ARMC9: variants seen among roughly 807,000 people sequenced by gnomAD.
The protein encoded by ARMC9 is armadillo repeat containing 9.
A neutral mutation model predicts 107.0 loss-of-function variants in ARMC9; 94 were observed. The ratio of observed to expected loss-of-function variants is 0.88; its 90% CI spans 0.74 to 1.04. The LOEUF is 1.04. ARMC9 is among the 50% of genes least tolerant of loss of function. The pLI is 0.00. For missense variants in ARMC9, 942 were observed against 1,030.1 expected, an observed-to-expected ratio of 0.91 and a Z score of 1.17; for synonymous variants, 380 against 396.9, an observed-to-expected ratio of 0.96 and a Z score of 0.51.
intron 24 of ARMC9, 94 bp downstream of exon 24, chr2:231,370,219 T>C: frequency 7.4e-7 from 1 of 1,356,180 alleles, no homozygotes; most frequent in Non-Finnish European, 9.7e-7. Context: ...CCCGTGCTCC[T>C]GTGTGTACCA....
chr2:231,267,887 G>A (rs1024782994), intron 12 of ARMC9, among the ~76,000 whole-genome samples: 1 of 152,062 alleles, frequency 6.6e-6, no homozygotes, highest in African/African-American at 2.4e-5. Context: ...CAACCAAAAC[G>A]TGCCCATATG....
At chr2:231,303,913 G>A (rs549581605) in intron 19 of ARMC9, among the ~76,000 whole-genome samples, 17 of 150,398 alleles carry the variant, frequency 1.1e-4, no homozygotes, top group African/African-American at 4.2e-4. Flanking sequence ...TCCAGACTGG[G>A]CAACAGAGCG....
At chr2:231,323,083 G>GAGTCCGA in intron 19 of ARMC9, among the ~76,000 whole-genome samples, 1 of 152,104 alleles carries the variant, frequency 6.6e-6, no homozygotes, top group African/African-American at 2.4e-5. Context: ...CAGCACTTCA[G>GAGTCCGA]GAGGCTAAGG....
intron 21 of ARMC9, among the ~76,000 whole-genome samples, chr2:231,354,476 G>A (rs2045253739): frequency 6.7e-6 from 1 of 149,996 alleles, no homozygotes; most frequent in African/African-American, 2.5e-5. Flanking sequence ...CCGCCTCCCT[G>A]GCTCAAGCGA....
At chr2:231,200,649 G>C (rs2030742334) in intron 1 of ARMC9, among the ~76,000 whole-genome samples, 1 of 151,442 alleles carries the variant, frequency 6.6e-6, no homozygotes, top group African/African-American at 2.4e-5. Context: ...CTCCAGCCTG[G>C]GCGGCAAAAG....
intron 9 of ARMC9, among the ~76,000 whole-genome samples, chr2:231,245,787 G>A (rs2036706123): frequency 6.6e-6 from 1 of 152,180 alleles, no homozygotes; most frequent in South Asian, 2.1e-4. Context: ...TCCCTGCCAA[G>A]AGCAGTTGAA....
chr2:231,274,880 G>A (rs1175692668), intron 14 of ARMC9, among the ~76,000 whole-genome samples: 1 of 152,186 alleles, frequency 6.6e-6, no homozygotes, highest in Non-Finnish European at 1.5e-5. Context: ...GAAAAGAACT[G>A]TAAGTGCTGC....
At chr2:231,242,960 A>C (rs1034631554) in intron 9 of ARMC9, among the ~76,000 whole-genome samples, 1 of 151,986 alleles carries the variant, frequency 6.6e-6, no homozygotes, top group Non-Finnish European at 1.5e-5. Flanking sequence ...AAAATACAAA[A>C]ATTAGGCCAG....
At chr2:231,280,166 T>G (rs570553847) in intron 16 of ARMC9, among the ~76,000 whole-genome samples, 2 of 152,276 alleles carry the variant, frequency 1.3e-5, no homozygotes, top group Admixed American at 6.5e-5. Flanking sequence ...GAAAATGAGC[T>G]GGATGGGCCG....
chr2:231,236,753 G>C (rs771790500), intron 8 of ARMC9, among the ~76,000 whole-genome samples: 1 of 152,070 alleles, frequency 6.6e-6, no homozygotes, highest in Non-Finnish European at 1.5e-5. Flanking sequence ...CCAGAGCCCC[G>C]GCCAACATGG....
At chr2:231,315,197 C>T (rs1559450369) in intron 19 of ARMC9, among the ~76,000 whole-genome samples, 2 of 150,340 alleles carry the variant, frequency 1.3e-5, no homozygotes, top group Non-Finnish European at 2.9e-5. Context: ...CAAGATCATG[C>T]CACTGCACTC....
chr2:231,288,089 A>G (rs1168717451), intron 17 of ARMC9, among the ~76,000 whole-genome samples: 3 of 152,198 alleles, frequency 2.0e-5, no homozygotes, highest in Non-Finnish European at 2.9e-5. Context: ...TACCAAACTC[A>G]TAGGATTGAA....
chr2:231,332,030 T>G, intron 20 of ARMC9, 133 bp downstream of exon 20: 1 of 735,460 alleles, frequency 1.4e-6, no homozygotes, highest in Admixed American at 2.4e-5. Flanking sequence ...AGGTCCATGT[T>G]AGCCAGTCTG....
At chr2:231,303,892 C>T (rs962022513) in intron 19 of ARMC9, among the ~76,000 whole-genome samples, 16 of 152,024 alleles carry the variant, frequency 1.1e-4, no homozygotes, top group East Asian at 7.7e-4. Context: ...GCCGAGATTG[C>T]GCTACTGCAC....
At chr2:231,301,048 A>C (rs529410769) in intron 19 of ARMC9, among the ~76,000 whole-genome samples, 3 of 152,224 alleles carry the variant, frequency 2.0e-5, no homozygotes, top group Non-Finnish European at 4.4e-5. Context: ...TTTCATACTT[A>C]AAAGATGCAC....
intron 11 of ARMC9, among the ~76,000 whole-genome samples, chr2:231,260,428 T>A (rs1252058220): frequency 6.6e-6 from 1 of 152,166 alleles, no homozygotes; most frequent in Admixed American, 6.5e-5. Flanking sequence ...TTCTAATTCA[T>A]TAGCATCAGA....
rs551817808 is a variant in ARMC9, at chr2:231,374,350, A to C, written c.*2815A>C. On this transcript the variant is annotated 3_prime_UTR_variant, in exon 25 of 25. Transcript: ENST00000611582. ...GCTGAGCCGCCCCTCTGGTTACCTCACATCTTCTGGTTTCTTCTGAGTGGG... is the reference window on the plus strand; with the variant it reads ...GCTGAGCCGCCCCTCTGGTTACCTCCCATCTTCTGGTTTCTTCTGAGTGGG... 1.3e-5 allele frequency: 2 copies of C among 152,262 alleles called. No homozygotes were observed. The highest frequency in any genetic ancestry group is 4.8e-5 in the African/African-American group (2 of 41,540). The allele number at this position is 152,262 out of a possible 1,614,324, so 9.4% of individuals were successfully genotyped here. A position where few individuals can be genotyped will look rare whatever the true frequency, so the allele number is the denominator to read the frequency against.
intron 19 of ARMC9, among the ~76,000 whole-genome samples, chr2:231,330,229 CTT>C (rs201716312): frequency 0.039 from 5,302 of 134,802 alleles, 271 homozygotes; most frequent in African/African-American, 0.13. Flanking sequence ...CTTTTTCTTT[CTT>C]TTTTTTTTTT....
intron 17 of ARMC9, among the ~76,000 whole-genome samples, chr2:231,288,076 C>G (rs1387997829): frequency 1.3e-5 from 2 of 152,136 alleles, no homozygotes; most frequent in African/African-American, 4.8e-5. Context: ...AGGATTATTG[C>G]AGTACCAAAC....
Sources: allele counts gnomAD v4.1 joint callset (sites outside exome capture counted in the v4.1 genomes callset), GRCh38; gene constraint gnomAD v4.1.1; transcripts MANE v1.5; gene names NCBI Gene and HGNC (gene_info 2026-07-23, HGNC 2026-07-21).